BTG4: variants seen among roughly 807,000 people sequenced by gnomAD.
BTG4 encodes the protein BTG anti-proliferation factor 4, also known as protein BTG4.
In BTG4, 10 loss-of-function variants were observed where a neutral mutation model predicts 19.3. The observed-to-expected ratio is 0.52, with a 90% CI of 0.32 to 0.88. BTG4 has a LOEUF of 0.88. Ranked by LOEUF, BTG4 falls within the 40% of genes least tolerant of loss-of-function variation. BTG4 has a pLI of 0.04. For synonymous variants in BTG4, 91 were observed against 95.7 expected (o/e 0.95, Z 0.29); for missense variants, 238 against 281.9 (o/e 0.84, Z 1.11).
At chr11:111,422,875 A>G in the BTG4 span, among the ~76,000 whole-genome samples, 1 of 152,146 alleles carries the variant, frequency 6.6e-6, no homozygotes, top group Admixed American at 6.5e-5. Flanking sequence ...GCAGTTTTGG[A>G]TTCTATAGAC....
At chr11:111,478,459 C>T (rs1864526473) in intron 5 of BTG4, among the ~76,000 whole-genome samples, 2 of 152,136 alleles carry the variant, frequency 1.3e-5, no homozygotes, top group Admixed American at 6.5e-5. Context: ...TGGCAAAAAT[C>T]ATTCATCACA....
chr11:111,456,031 G>A, the BTG4 span, among the ~76,000 whole-genome samples: 3 of 144,996 alleles, frequency 2.1e-5, no homozygotes, highest in African/African-American at 5.1e-5. This position sits in a 1 kb window ranked among gnomAD's most constrained non-coding sequence, Gnocchi z 4.2. Context: ...CCCCAAGGTC[G>A]GGAGGGGCTT....
the BTG4 span, among the ~76,000 whole-genome samples, chr11:111,410,218 C>G: frequency 0.016 from 2,403 of 152,068 alleles, 58 homozygotes; most frequent in African/African-American, 0.053. Context: ...GCTCTGTCAC[C>G]TCAGACTCCC....
the BTG4 span, among the ~76,000 whole-genome samples, chr11:111,428,405 C>G: frequency 6.6e-6 from 1 of 152,202 alleles, no homozygotes; most frequent in Non-Finnish European, 1.5e-5. Context: ...CCTTGCATCT[C>G]TGTCCTGCAA....
chr11:111,455,718 G>T, the BTG4 span: 2 of 427,136 alleles, frequency 4.7e-6, no homozygotes, highest in Admixed American at 4.9e-5. Context: ...AAAACAAAAC[G>T]TCCTTTTCCC....
chr11:111,498,862 A>G lies in BTG4; in HGVS notation c.-26-60T>C, dbSNP rs965442995. The G allele has an allele frequency of 7.5e-6, 9 of 1,207,894 alleles. No individual in the cohort carries two copies. The African/African-American group carries it at 9.3e-5, about 12-fold the overall frequency. The allele number at this position is 1,207,894 out of a possible 1,614,324, so 74.8% of individuals were successfully genotyped here. On this transcript the variant is annotated intron_variant, in intron 1 of 4. Transcript: ENST00000692032. Reference sequence around the variant, plus strand: ...AGAAATGGTTTAACTTATTATCAATATTTAACTGCCATTTGGAAATTTTAC... The same window carrying G: ...AGAAATGGTTTAACTTATTATCAATGTTTAACTGCCATTTGGAAATTTTAC...
the BTG4 span, among the ~76,000 whole-genome samples, chr11:111,412,549 TAAC>T: frequency 6.6e-6 from 1 of 152,188 alleles, no homozygotes; most frequent in East Asian, 1.9e-4. Context: ...TATAGAATAA[TAAC>T]AACAACAGTG....
Position 111,495,112 on chromosome 11 carries a change from C to T in BTG4, c.*23G>A. 5 of 1,504,220 alleles carry T rather than the reference C, an allele frequency of 3.3e-6. No individual in the cohort carries two copies. Among genetic ancestry groups the T allele is most frequent in the Admixed American group, 4.8e-5 (2 of 41,420 alleles). 93.2% of individuals were successfully genotyped at this position (1,504,220 alleles called of 1,614,324 possible). A position where few individuals can be genotyped will look rare whatever the true frequency, so the allele number is the denominator to read the frequency against. On this transcript the variant is annotated 3_prime_UTR_variant, in exon 5 of 5. Coordinates refer to ENST00000692032, the MANE Select transcript of BTG4 (RefSeq NM_001367975.1). ...TAAAGGCACTCCTCTGAGCTCTTGC[C>T]CACCACGTGCCCAGTCGCTGCGTCA...
the BTG4 span, among the ~76,000 whole-genome samples, chr11:111,420,653 T>C: frequency 2.0e-5 from 3 of 152,206 alleles, no homozygotes; most frequent in East Asian, 5.8e-4. Context: ...ATTCAACAGT[T>C]TGAGACACAG....
chr11:111,431,556 A>G, the BTG4 span, among the ~76,000 whole-genome samples: 1 of 152,226 alleles, frequency 6.6e-6, no homozygotes, highest in African/African-American at 2.4e-5. Context: ...TCAATATTCA[A>G]GCTTTTCATA....
At chr11:111,490,286 AAT>A (rs1555113759), downstream of BTG4, among the ~76,000 whole-genome samples, 2 of 138,762 alleles carry the variant, frequency 1.4e-5, no homozygotes, top group Admixed American at 7.5e-5. Flanking sequence ...AAATAAAAAA[AAT>A]AAATAAAAAA....
chr11:111,503,227 T>G lies in BTG4; in HGVS notation c.-26-4425A>C, dbSNP rs149653708. 5.7e-3 allele frequency among the ~76,000 whole-genome samples: 872 copies of G among 152,350 alleles called. 13 individuals carry two copies. Among genetic ancestry groups the G allele is most frequent in the African/African-American group, 0.02 (837 of 41,594 alleles). On this transcript the variant is annotated intron_variant, in intron 1 of 4. Coordinates refer to ENST00000692032, the MANE Select transcript of BTG4 (RefSeq NM_001367975.1). ...AACACTTGTAACCAACAGATTAATG[T>G]TATCATTGAAAGAATGAAGTTCAGT...
chr11:111,413,963 C>A, the BTG4 span, among the ~76,000 whole-genome samples: 1 of 152,228 alleles, frequency 6.6e-6, no homozygotes, highest in Non-Finnish European at 1.5e-5. Context: ...AGACCCTCCC[C>A]TTCCCGCCCC....
intron 2 of BTG4, 118 bp from the exon 3 acceptor site, chr11:111,498,253 C>G: frequency 8.8e-7 from 1 of 1,134,324 alleles, no homozygotes; most frequent in East Asian, 2.4e-5. Context: ...CAGCCTCCTT[C>G]CCCTCAGCCT....
At chr11:111,443,025 C>T in the BTG4 span, among the ~76,000 whole-genome samples, 1,052 of 152,336 alleles carry the variant, frequency 6.9e-3, 12 homozygotes, top group African/African-American at 0.024. Flanking sequence ...AACGCTACCT[C>T]AGCCAGGTGA....
chr11:111,428,243 C>T, the BTG4 span, among the ~76,000 whole-genome samples: 2 of 152,076 alleles, frequency 1.3e-5, no homozygotes, highest in African/African-American at 4.8e-5. Flanking sequence ...AGGATTATCA[C>T]AAAGATGGAA....
At position 111,475,313 on chromosome 11, in the gene BTG4, T is replaced by C. The variant is rs190760687; in HGVS notation, c.663-7632A>G. 9.2e-5 allele frequency: 14 copies of C among 152,242 alleles called. No homozygotes were observed. In the East Asian group the frequency reaches 2.7e-3, roughly 29 times the overall value. The allele number at this position is 152,242 out of a possible 1,614,324, so 9.4% of individuals were successfully genotyped here. ...GGACCCCTGCTCACTGTGACTAAAA[T>C]TTTCAGTGTGACTAAAAGATCATTA... On this transcript the variant is annotated intron_variant, in intron 5 of 5. Transcript: ENST00000356018.
the BTG4 span, chr11:111,455,433 A>ATAC: frequency 4.3e-6 from 1 of 232,024 alleles, no homozygotes; most frequent in South Asian, 5.9e-5. Context: ...CAGCCGGAGG[A>ATAC]GGCACCTGGC....
At chr11:111,466,008 G>C (rs927416090), downstream of BTG4, among the ~76,000 whole-genome samples, 2 of 152,136 alleles carry the variant, frequency 1.3e-5, no homozygotes, top group African/African-American at 2.4e-5. Flanking sequence ...TCTCCTTTAA[G>C]GGTTCCCAGC....
Sources: allele counts gnomAD v4.1 joint callset (sites outside exome capture counted in the v4.1 genomes callset), GRCh38; gene constraint gnomAD v4.1.1; non-coding constraint Gnocchi (gnomAD v3.1); transcripts MANE v1.5; gene names NCBI Gene and HGNC (gene_info 2026-07-23, HGNC 2026-07-21).